Variants in RANBP3 observed in about 807,000 individuals in gnomAD.
The protein encoded by RANBP3 is RAN binding protein 3, also known as ran-binding protein 3.
RANBP3 carries 14 observed loss-of-function variants against 77.3 expected under a neutral mutation model. The observed-to-expected ratio is 0.18, with a 90% CI of 0.12 to 0.28. The LOEUF is 0.28. RANBP3 is among the 10% of genes least tolerant of loss of function. The pLI, the probability that RANBP3 is intolerant of heterozygous loss-of-function variation, is 1.00. For synonymous variants in RANBP3, 315 were observed against 312.4 expected (o/e 1.01, Z -0.09); for missense variants, 586 against 752.3 (o/e 0.78, Z 2.59).
chr19:5,966,623 C>G (rs188465705), intron 1 of RANBP3, among the ~76,000 whole-genome samples: 1 of 152,254 alleles, frequency 6.6e-6, no homozygotes, highest in Non-Finnish European at 1.5e-5. Flanking sequence ...CTTTGCTTCC[C>G]CACCAGCCCA....
intron 5 of RANBP3, among the ~76,000 whole-genome samples, chr19:5,934,918 T>C (rs1382574662): frequency 3.3e-5 from 5 of 152,190 alleles, no homozygotes; most frequent in African/African-American, 1.2e-4. Flanking sequence ...ATTGCATTTC[T>C]GTGAAATGCC....
At chr19:5,965,204 G>C (rs2058452463) in intron 1 of RANBP3, among the ~76,000 whole-genome samples, 2 of 152,076 alleles carry the variant, frequency 1.3e-5, no homozygotes, top group African/African-American at 4.8e-5. Context: ...AGGTGGCTTG[G>C]GGGTGTGTGT....
In RANBP3 at chr19:5,921,431, C is replaced by T. The variant is rs531233527; in HGVS notation, c.1210-110G>A. On this transcript the variant is annotated intron_variant, in intron 13 of 16. Transcript: ENST00000340578. This position sits in a 1 kb window ranked among gnomAD's most constrained non-coding sequence, Gnocchi z 5.3. Reference sequence around the variant, plus strand: ...GGGGACTGCCAGGGCCAGCCAACGACGGCCTGGGGGCCACCTTGGTCAGTT... The same window carrying T: ...GGGGACTGCCAGGGCCAGCCAACGATGGCCTGGGGGCCACCTTGGTCAGTT... The T allele has an allele frequency of 3.3e-5, 47 of 1,441,404 alleles. No homozygotes were observed. Among genetic ancestry groups the T allele is most frequent in the Middle Eastern group, 1.8e-4 (1 of 5,458 alleles). The allele number at this position is 1,441,404 out of a possible 1,614,324, so 89.3% of individuals were successfully genotyped here.
chr19:5,918,906 C>T (rs1317415334), intron 14 of RANBP3, among the ~76,000 whole-genome samples: 1 of 152,222 alleles, frequency 6.6e-6, no homozygotes, highest in Non-Finnish European at 1.5e-5. Context: ...AGATCAGTGA[C>T]CAGAGGCCAC....
chr19:5,977,974 G>A (rs1285405351), intron 1 of RANBP3, 87 bp downstream of exon 1: 6 of 1,546,072 alleles, frequency 3.9e-6, no homozygotes, highest in South Asian at 2.4e-5. Flanking sequence ...TGCACTCTGC[G>A]GTGCTCCCCC....
rs767077520 is a variant in RANBP3, at chr19:5,931,580, C to A, written c.566-49G>T. 2.6e-6 allele frequency: 4 copies of A among 1,568,522 alleles called. No individual in the cohort carries two copies. In the South Asian group the frequency reaches 4.6e-5, roughly 18 times the overall value. ...GAATCACAGGTGCTTGGCGGCCCTCCCACCCCCACTCACATAGCTGAGGGG... is the reference window on the plus strand; with the variant it reads ...GAATCACAGGTGCTTGGCGGCCCTCACACCCCCACTCACATAGCTGAGGGG... On this transcript the variant is annotated intron_variant, in intron 7 of 16. Coordinates refer to ENST00000340578, the MANE Select transcript of RANBP3 (RefSeq NM_007322.3).
intron 2 of RANBP3, among the ~76,000 whole-genome samples, chr19:5,955,092 A>G (rs1307849718): frequency 1.3e-5 from 2 of 152,228 alleles, no homozygotes; most frequent in Non-Finnish European, 2.9e-5. Context: ...GTGAGCCAAT[A>G]TTTTGATAAG....
intron 1 of RANBP3, among the ~76,000 whole-genome samples, chr19:5,975,421 T>C (rs1402940652): frequency 2.0e-5 from 3 of 151,924 alleles, no homozygotes; most frequent in Non-Finnish European, 4.4e-5. Context: ...AGAAACAGTA[T>C]CCCCTGGAAA....
chr19:5,925,240 A>C (rs2057888229), intron 10 of RANBP3: 1 of 477,132 alleles, frequency 2.1e-6, no homozygotes, highest in Non-Finnish European at 3.8e-6. Flanking sequence ...CAGCCATGTC[A>C]GTCAAGGACA....
intron 5 of RANBP3, chr19:5,935,974 G>A: frequency 3.0e-6 from 1 of 332,190 alleles, no homozygotes; most frequent in African/African-American, 2.1e-5. Context: ...GAGAGGAAGA[G>A]GACCCCTCCC....
At position 5,941,637 on chromosome 19, in the gene RANBP3, G is replaced by A. The variant is rs768801426; in HGVS notation, c.390C>T (p.Phe130=). 1.2e-6 allele frequency: 2 copies of A among 1,613,168 alleles called. No homozygotes were observed. The highest frequency in any genetic ancestry group is 1.7e-5 in the Admixed American group (1 of 60,004). ...ATATTTTACCTGACTGTGAGGGTGGGAACTGGGTTAAAGAGGATGTTCTTT... is the reference window on the plus strand; with the variant it reads ...ATATTTTACCTGACTGTGAGGGTGGAAACTGGGTTAAAGAGGATGTTCTTT... ...KRERTSSLTQ[F]PPSQSEERSS... is the part of the protein sequence containing the mutation. Residue 130 remains phenylalanine (F), a synonymous_variant, in exon 5 of 17, where the codon TTC becomes TTT. Transcript: ENST00000340578.
At chr19:5,960,034 C>T (rs184350358) in intron 1 of RANBP3, among the ~76,000 whole-genome samples, 316 of 152,290 alleles carry the variant, frequency 2.1e-3, no homozygotes, top group Middle Eastern at 6.8e-3. Context: ...AGGCCTTTCG[C>T]TGGAGATCCT....
chr19:5,936,010 A>T (rs1249069407), intron 5 of RANBP3, among the ~76,000 whole-genome samples: 1 of 152,216 alleles, frequency 6.6e-6, no homozygotes, highest in African/African-American at 2.4e-5. Flanking sequence ...CCTCCTGGGA[A>T]GCTGGCAGGC....
chr19:5,939,795 G>A (rs967231100), intron 5 of RANBP3, among the ~76,000 whole-genome samples: 4 of 152,102 alleles, frequency 2.6e-5, no homozygotes, highest in South Asian at 4.2e-4. Context: ...TCTCCAGCCC[G>A]ACGGCCTTGA....
At chr19:5,974,173 G>A (rs568368212) in intron 1 of RANBP3, among the ~76,000 whole-genome samples, 1 of 152,284 alleles carries the variant, frequency 6.6e-6, no homozygotes, top group Admixed American at 6.5e-5. Flanking sequence ...GCAACGCACA[G>A]GACAGCCCCT....
In RANBP3 at chr19:5,924,918, T is replaced by A; in HGVS notation, c.918-13A>T. ...TGAGTTCTCTAAACTGAAGAGAAGATGTGCAATGAGTGTGGGGCGTCACGT... is the reference window on the plus strand; with the variant it reads ...TGAGTTCTCTAAACTGAAGAGAAGAAGTGCAATGAGTGTGGGGCGTCACGT... On this transcript the variant is annotated splice_polypyrimidine_tract_variant and intron_variant, in intron 10 of 16. Coordinates refer to ENST00000340578, the MANE Select transcript of RANBP3 (RefSeq NM_007322.3). The surrounding 1 kb of genome is among the most constrained non-coding windows in gnomAD (Gnocchi z 4.7). 6.2e-7 allele frequency: 1 copy of A among 1,610,634 alleles called. No individual in the cohort carries two copies. Among genetic ancestry groups the A allele is most frequent in the Non-Finnish European group, 8.5e-7 (1 of 1,176,794 alleles).
chr19:5,957,850 A>G, intron 2 of RANBP3, 68 bp downstream of exon 2: 2 of 1,565,840 alleles, frequency 1.3e-6, no homozygotes, highest in Non-Finnish European at 1.8e-6. Flanking sequence ...GACCTGGAAA[A>G]GAGACTCTCA....
chr19:5,947,951 T>TTA (rs1456602353), intron 3 of RANBP3, among the ~76,000 whole-genome samples: 1 of 152,168 alleles, frequency 6.6e-6, no homozygotes, highest in Non-Finnish European at 1.5e-5. Flanking sequence ...GTTGTCACAT[T>TTA]TATTAAGAAT....
At chr19:5,955,005 T>C (rs576379925) in intron 2 of RANBP3, among the ~76,000 whole-genome samples, 2 of 152,340 alleles carry the variant, frequency 1.3e-5, no homozygotes, top group East Asian at 1.9e-4. Context: ...GCCACAGAAG[T>C]GCGAGTGACA....
Sources: allele counts gnomAD v4.1 joint callset (sites outside exome capture counted in the v4.1 genomes callset), GRCh38; gene constraint gnomAD v4.1.1; non-coding constraint Gnocchi (gnomAD v3.1); transcripts MANE v1.5; gene names NCBI Gene and HGNC (gene_info 2026-07-23, HGNC 2026-07-21).